Variants in NMT1 observed in about 807,000 individuals in gnomAD.
NMT1 encodes the protein glycylpeptide N-tetradecanoyltransferase 1.
NMT1 carries 12 observed loss-of-function variants against 63.4 expected under a neutral mutation model. That is an observed-to-expected ratio of 0.19 (90% confidence interval 0.12 to 0.31). The LOEUF (loss-of-function observed/expected upper bound fraction) is 0.31. Among genes scored for constraint, NMT1 ranks in the 10% least tolerant of loss-of-function variants. NMT1 has a pLI of 1.00. For missense variants in NMT1, 432 were observed against 634.6 expected (o/e 0.68, Z 3.43); for synonymous variants, 228 against 234.3 (o/e 0.97, Z 0.25).
intron 3 of NMT1, 154 bp from the exon 4 acceptor site, chr17:45,093,531 T>C: frequency 1.6e-6 from 1 of 608,252 alleles, no homozygotes. Flanking sequence ...TAAGGGTAGC[T>C]GGAAAGACGG....
chr17:45,074,217 C>CTTTTTTTT (rs5820559), intron 1 of NMT1, among the ~76,000 whole-genome samples: 30 of 140,294 alleles, frequency 2.1e-4, no homozygotes, highest in African/African-American at 8.1e-4. Context: ...TAAAAGATGA[C>CTTTTTTTT]TTTTTTTTTT....
chr17:45,101,484 T>C (rs1226730915), intron 8 of NMT1, among the ~76,000 whole-genome samples: 1 of 150,620 alleles, frequency 6.6e-6, no homozygotes, highest in East Asian at 2.0e-4. Flanking sequence ...TAGCTGGGTG[T>C]GGTATGTGCC....
intron 1 of NMT1, among the ~76,000 whole-genome samples, chr17:45,062,467 C>G (rs2053870702): frequency 1.3e-5 from 2 of 152,120 alleles, no homozygotes; most frequent in Admixed American, 1.3e-4. Flanking sequence ...TCGTAGCCAG[C>G]TTGTTATTCG....
chr17:45,083,704 C>T (rs1272891946), intron 2 of NMT1: 1 of 152,128 alleles, frequency 6.6e-6, no homozygotes, highest in Admixed American at 6.5e-5. Flanking sequence ...CCTCAACCTC[C>T]TGGGCTCAAG....
intron 4 of NMT1, among the ~76,000 whole-genome samples, chr17:45,094,573 G>A (rs938834533): frequency 2.7e-5 from 4 of 148,216 alleles, no homozygotes; most frequent in African/African-American, 7.5e-5. Flanking sequence ...GGAGTGCAGT[G>A]ACACCATCTC....
Position 45,081,673 on chromosome 17 carries a change from C to G in NMT1, c.161C>G (p.Ala54Gly). ...TTGAGTCCAGCCAATGACACTGGAG[C>G]CAAAAAGAAGAAAAAGAAACAAAAA... Reference protein sequence around the residue: ...GGLSPANDTGAKKKKKKQKKK... With the variant: ...GGLSPANDTGGKKKKKKQKKK... Residue 54 changes from alanine (A) to glycine (G), a missense_variant, in exon 2 of 12, where the codon GCC (alanine) becomes GGC (glycine). Transcript: ENST00000258960. The G allele has an allele frequency of 6.2e-7, 1 of 1,612,770 alleles. No individual in the cohort carries two copies.
At chr17:45,061,760 T>A (rs1040289332) in intron 1 of NMT1, 1 of 318,008 alleles carries the variant, frequency 3.1e-6, no homozygotes, top group African/African-American at 2.1e-5. Flanking sequence ...TTTTCGATGG[T>A]ACAACACAGG....
intron 1 of NMT1, among the ~76,000 whole-genome samples, chr17:45,077,401 G>A (rs1249771567): frequency 6.6e-6 from 1 of 151,986 alleles, no homozygotes; most frequent in African/African-American, 2.4e-5. Context: ...TTGTTTGTTT[G>A]TTTTTTGAGA....
At chr17:45,078,596 A>G (rs1355119476) in intron 1 of NMT1, among the ~76,000 whole-genome samples, 1 of 152,132 alleles carries the variant, frequency 6.6e-6, no homozygotes, top group East Asian at 1.9e-4. Context: ...TGTATTTAAC[A>G]TAATGTTAAT....
chr17:45,069,526 C>G (rs895418664), intron 1 of NMT1, among the ~76,000 whole-genome samples: 1 of 151,818 alleles, frequency 6.6e-6, no homozygotes, highest in South Asian at 2.1e-4. Flanking sequence ...CTCCTAATCT[C>G]GTGATCTGCC....
intron 3 of NMT1, among the ~76,000 whole-genome samples, chr17:45,091,187 G>GACACACACACACACAC (rs3062356): frequency 0.015 from 1,774 of 121,012 alleles, 80 homozygotes; most frequent in Middle Eastern, 0.027. Context: ...GGTCTTTCCT[G>GACACACACACACACAC]ACACACACAC....
chr17:45,078,749 C>T (rs896335102), intron 1 of NMT1, among the ~76,000 whole-genome samples: 4 of 151,930 alleles, frequency 2.6e-5, no homozygotes, highest in African/African-American at 7.3e-5. Flanking sequence ...GCAGGCTCCT[C>T]CTCCCAGGCT....
At chr17:45,098,862 G>A in intron 7 of NMT1, 1 of 327,782 alleles carries the variant, frequency 3.1e-6, no homozygotes, top group South Asian at 5.8e-5. Context: ...CCCAAATCTG[G>A]ATTTTTATGG....
chr17:45,081,403 C>T (rs912813255), intron 1 of NMT1, among the ~76,000 whole-genome samples: 4 of 152,178 alleles, frequency 2.6e-5, no homozygotes, highest in Admixed American at 2.6e-4. Context: ...ACGGAAAAGG[C>T]CCTTTCACAC....
intron 2 of NMT1, among the ~76,000 whole-genome samples, chr17:45,082,499 A>G (rs569406482): frequency 6.6e-6 from 1 of 152,314 alleles, no homozygotes; most frequent in South Asian, 2.1e-4. Flanking sequence ...TGAGTCCCAC[A>G]GAGTCTTTCT....
intron 8 of NMT1, among the ~76,000 whole-genome samples, chr17:45,102,298 T>C (rs192752990): frequency 1.3e-5 from 2 of 152,338 alleles, no homozygotes; most frequent in East Asian, 3.9e-4. Context: ...AGCCCCGGTA[T>C]TTGCTCCACA....
At chr17:45,070,448 C>T (rs1028884004) in intron 1 of NMT1, among the ~76,000 whole-genome samples, 3 of 152,104 alleles carry the variant, frequency 2.0e-5, no homozygotes, top group Admixed American at 6.6e-5. Context: ...GACAGAGTCT[C>T]GCTCTGTCAC....
In NMT1 at chr17:45,107,758, GCT is replaced by G. The variant is rs1223826001; in HGVS notation, c.*2122_*2123del. On this transcript the variant is annotated 3_prime_UTR_variant, in exon 12 of 12. Transcript: ENST00000258960. ...TGGGCTGTGCGGATCTCTGGAGTGA[GCT>G]CTGTTTCGGTTGACCCAGGTCATGG... is the stretch of plus-strand genomic sequence containing the variant. The G allele has an allele frequency of 2.0e-5, 3 of 152,324 alleles. No individual in the cohort carries two copies. The highest frequency in any genetic ancestry group is 7.2e-5 in the African/African-American group (3 of 41,460). The allele number at this position is 152,324 out of a possible 1,614,324, so 9.4% of individuals were successfully genotyped here.
intron 8 of NMT1, among the ~76,000 whole-genome samples, chr17:45,100,940 G>A (rs1184489906): frequency 1.4e-5 from 2 of 146,338 alleles, no homozygotes; most frequent in Non-Finnish European, 3.0e-5. Context: ...CCAGCACTTT[G>A]GGAGGCCTAG....
Sources: gnomAD v4.1 joint callset for allele counts (sites outside exome capture counted in the v4.1 genomes callset) on GRCh38, gnomAD v4.1.1 for gene constraint, MANE v1.5 for transcripts, NCBI Gene and HGNC (gene_info 2026-07-23, HGNC 2026-07-21) for gene names.